UBE2E2: variants seen among roughly 807,000 people sequenced by gnomAD.
UBE2E2 encodes the protein ubiquitin conjugating enzyme E2 E2.
A neutral mutation model predicts 24.7 loss-of-function variants in UBE2E2; 6 were observed. The ratio of observed to expected loss-of-function variants is 0.24; its 90% CI spans 0.13 to 0.48. The LOEUF is 0.48. Ranked by LOEUF, UBE2E2 falls within the 20% of genes least tolerant of loss-of-function variation. The pLI is 0.99. For missense variants in UBE2E2, 169 were observed against 245.0 expected (o/e 0.69, Z 2.07); for synonymous variants, 104 against 83.6 (o/e 1.24, Z -1.33).
intron 3 of UBE2E2, among the ~76,000 whole-genome samples, chr3:23,411,094 C>T (rs1017348132): frequency 8.5e-5 from 13 of 152,146 alleles, no homozygotes; most frequent in Admixed American, 5.2e-4. Context: ...TATTTCACAT[C>T]ACAGAACAAA....
At chr3:23,550,696 G>T (rs73045617) in intron 5 of UBE2E2, among the ~76,000 whole-genome samples, 39,219 of 152,002 alleles carry the variant, frequency 0.26, 5,526 homozygotes, top group East Asian at 0.36. Flanking sequence ...AGGAGAAACA[G>T]ATGAAGTAAG....
intron 3 of UBE2E2, among the ~76,000 whole-genome samples, chr3:23,317,093 T>C (rs1694602552): frequency 6.6e-6 from 1 of 152,272 alleles, no homozygotes; most frequent in East Asian, 1.9e-4. Flanking sequence ...GTGCATACGC[T>C]CCTTTAGCCT....
chr3:23,351,265 C>T (rs1418308291), intron 3 of UBE2E2, among the ~76,000 whole-genome samples: 1 of 152,104 alleles, frequency 6.6e-6, no homozygotes, highest in Non-Finnish European at 1.5e-5. Flanking sequence ...ACAACCGGTA[C>T]CAGCCACTGC....
chr3:23,335,531 T>G (rs1695181385), intron 3 of UBE2E2, among the ~76,000 whole-genome samples: 1 of 152,124 alleles, frequency 6.6e-6, no homozygotes, highest in Admixed American at 6.5e-5. Context: ...TTAGTGAAAT[T>G]TAAAAAAGGT....
intron 3 of UBE2E2, among the ~76,000 whole-genome samples, chr3:23,394,922 A>G (rs1697039340): frequency 1.3e-5 from 2 of 152,196 alleles, no homozygotes; most frequent in Non-Finnish European, 2.9e-5. Context: ...CTAAATCAGC[A>G]AAGCTATTGA....
intron 5 of UBE2E2, among the ~76,000 whole-genome samples, chr3:23,569,579 G>C (rs1484740834): frequency 6.6e-6 from 1 of 152,142 alleles, no homozygotes; most frequent in Admixed American, 6.6e-5. Flanking sequence ...AGAGCTTTTT[G>C]CAGTGGTATT....
intron 5 of UBE2E2, among the ~76,000 whole-genome samples, chr3:23,587,679 T>A (rs551118242): frequency 1.3e-5 from 2 of 152,334 alleles, no homozygotes; most frequent in African/African-American, 4.8e-5. Flanking sequence ...ATGTCATTAC[T>A]TAAGCTCAAG....
intron 3 of UBE2E2, among the ~76,000 whole-genome samples, chr3:23,249,168 G>A (rs1226032516): frequency 6.6e-6 from 1 of 152,012 alleles, no homozygotes; most frequent in Non-Finnish European, 1.5e-5. Context: ...CTACTTGGGA[G>A]GTTGAGGTAG....
In UBE2E2 at chr3:23,296,938, C is replaced by G. The variant is rs189326742; in HGVS notation, c.227+79626C>G. Among the ~76,000 whole-genome samples, 469 of 152,176 alleles carry G rather than the reference C, an allele frequency of 3.1e-3. 3 individuals are homozygous for G. Among genetic ancestry groups the G allele is most frequent in the African/African-American group, 9.2e-3 (380 of 41,528 alleles). ...ACAGTCCCACCAACAGTGTAAAAGTCTTCCTATTTCTCCACATCCTCTCCA... is the reference window on the plus strand; with the variant it reads ...ACAGTCCCACCAACAGTGTAAAAGTGTTCCTATTTCTCCACATCCTCTCCA... On this transcript the variant is annotated intron_variant, in intron 3 of 5. Transcript: ENST00000396703.
intron 5 of UBE2E2, among the ~76,000 whole-genome samples, chr3:23,574,863 T>C (rs1199427787): frequency 6.6e-6 from 1 of 152,220 alleles, no homozygotes; most frequent in Non-Finnish European, 1.5e-5. Context: ...TGCCAGCAGC[T>C]GTTGCTTGTT....
intron 3 of UBE2E2, among the ~76,000 whole-genome samples, chr3:23,469,506 T>C (rs1698990316): frequency 6.6e-6 from 1 of 152,208 alleles, no homozygotes; most frequent in Admixed American, 6.5e-5. Context: ...CCAGTGGATA[T>C]CTATGGCATC....
At chr3:23,235,368 A>G (rs992163711) in intron 3 of UBE2E2, among the ~76,000 whole-genome samples, 2 of 152,170 alleles carry the variant, frequency 1.3e-5, no homozygotes. Context: ...TACAAACTGC[A>G]TGTGCTGAAG....
At chr3:23,346,440 G>A (rs1320949588) in intron 3 of UBE2E2, among the ~76,000 whole-genome samples, 1 of 152,156 alleles carries the variant, frequency 6.6e-6, no homozygotes, top group Non-Finnish European at 1.5e-5. Context: ...ATGACTTTCA[G>A]TAAAATGTAT....
chr3:23,328,818 T>C (rs1170181854), intron 3 of UBE2E2, among the ~76,000 whole-genome samples: 1 of 152,086 alleles, frequency 6.6e-6, no homozygotes, highest in African/African-American at 2.4e-5. Flanking sequence ...CCCGCCACCA[T>C]GCCCGGCTGA....
chr3:23,404,301 T>C (rs1697303871), intron 3 of UBE2E2, among the ~76,000 whole-genome samples: 1 of 152,216 alleles, frequency 6.6e-6, no homozygotes, highest in Non-Finnish European at 1.5e-5. Flanking sequence ...GATGCTAGTA[T>C]TTTTAACTGT....
chr3:23,398,671 T>C (rs1224659606), intron 3 of UBE2E2, among the ~76,000 whole-genome samples: 1 of 152,214 alleles, frequency 6.6e-6, no homozygotes, highest in African/African-American at 2.4e-5. Flanking sequence ...GTTTTTACTT[T>C]GTTACCAGTA....
intron 3 of UBE2E2, among the ~76,000 whole-genome samples, chr3:23,362,162 G>A (rs1377818868): frequency 6.6e-6 from 1 of 152,156 alleles, no homozygotes; most frequent in Non-Finnish European, 1.5e-5. Flanking sequence ...GATGATCTGA[G>A]AAACCACATT....
At chr3:23,574,701 C>A (rs530859745) in intron 5 of UBE2E2, among the ~76,000 whole-genome samples, 1 of 152,264 alleles carries the variant, frequency 6.6e-6, no homozygotes, top group Middle Eastern at 3.4e-3. Context: ...GCACTTCATC[C>A]TGGACAACAT....
At chr3:23,509,578 T>C (rs1694537769) in intron 4 of UBE2E2, among the ~76,000 whole-genome samples, 1 of 152,128 alleles carries the variant, frequency 6.6e-6, no homozygotes, top group Admixed American at 6.5e-5. Flanking sequence ...TTTTTTAATA[T>C]ATATGTTTTT....
Sources: gnomAD v4.1 joint callset for allele counts (sites outside exome capture counted in the v4.1 genomes callset) on GRCh38, gnomAD v4.1.1 for gene constraint, MANE v1.5 for transcripts, NCBI Gene and HGNC (gene_info 2026-07-23, HGNC 2026-07-21) for gene names.